Variants in MAGEB2 observed in about 807,000 individuals in gnomAD.
MAGEB2 encodes the protein MAGE family member B2.
For synonymous variants in MAGEB2, 107 were observed against 96.2 expected, an observed-to-expected ratio of 1.11 and a Z score of -0.66; for missense variants, 365 against 243.2, an observed-to-expected ratio of 1.50 and a Z score of -3.33.
Position 30,219,491 on chromosome X carries a change from C to G in MAGEB2, c.911C>G (p.Pro304Arg), listed in dbSNP as rs776050887. 55 of 1,206,747 alleles carry G rather than the reference C, an allele frequency of 4.6e-5. No individual in the cohort carries two copies. In the South Asian group the frequency reaches 9.4e-4, roughly 21 times the overall value. The change falls in exon 2 of 2, where the codon CCA (proline) becomes CGA (arginine). Residue 304 changes from proline (P) to arginine (R), a missense_variant. By Grantham distance (103) the Pro-to-Arg change is moderately radical. Transcript: ENST00000378988. ...KVNGTTPCAF[P>R]THYEEALKDE... The stretch of plus-strand genomic sequence containing the variant: ...AATGGTACCACCCCCTGTGCCTTCC[C>G]AACCCATTACGAAGAAGCTTTGAAA...
At position 30,219,589 on chromosome X, in the gene MAGEB2, C is replaced by T; in HGVS notation, c.*49C>T. On this transcript the variant is annotated 3_prime_UTR_variant, in exon 2 of 2. Transcript: ENST00000378988. ...CACTACTGCCATAGCCAATCAATCT[C>T]CCAAAGCCAAGTTTACCTGCTGTTC... 9.1e-7 allele frequency: 1 copy of T among 1,099,245 alleles called. No individual in the cohort carries two copies. The highest frequency in any genetic ancestry group is 1.2e-6 in the Non-Finnish European group (1 of 821,302). 90.6% of individuals were successfully genotyped at this position (1,099,245 alleles called of 1,213,427 possible).
chrX:30,219,258 C>T lies in MAGEB2; in HGVS notation c.678C>T (p.Phe226=). 1.7e-6 allele frequency: 2 copies of T among 1,211,384 alleles called. No homozygotes were observed. Among genetic ancestry groups the T allele is most frequent in the Admixed American group, 2.2e-5 (1 of 46,008 alleles). ...CTACTGAGGAAGAGATCTGGGAATT[C>T]CTGAATATGTTGGGAGTCTATGATG... ...NSATEEEIWE[F]LNMLGVYDGE... is the part of the protein sequence containing the mutation. Residue 226 remains phenylalanine (F), a synonymous_variant, in exon 2 of 2, where the codon TTC becomes TTT. Coordinates refer to ENST00000378988, the MANE Select transcript of MAGEB2 (RefSeq NM_002364.5).
At chrX:30,216,721 A>T (rs1008013207) in intron 1 of MAGEB2, among the ~76,000 whole-genome samples, 12 of 81,478 alleles carry the variant, frequency 1.5e-4, no homozygotes, top group Admixed American at 1.2e-3. Context: ...TCTACTAAAA[A>T]TACCAAAAAA....
Position 30,219,412 on chromosome X carries a change from A to G in MAGEB2, c.832A>G (p.Arg278Gly), listed in dbSNP as rs1376264396. The change falls in exon 2 of 2, where the codon AGA becomes GGA. Residue 278 changes from arginine to glycine, a missense_variant. Transcript: ENST00000378988. ...PPRFQFLWGP[R>G]AYAETSKMKV... The stretch of plus-strand genomic sequence containing the variant: ...ACGCTTTCAATTCCTGTGGGGTCCG[A>G]GAGCCTATGCTGAAACCAGCAAGAT... The G allele has an allele frequency of 8.3e-7, 1 of 1,211,932 alleles. No homozygotes were observed. The highest frequency in any genetic ancestry group is 1.1e-6 in the Non-Finnish European group (1 of 895,367).
rs59753945 is a variant in MAGEB2 at position 30,216,886 on chromosome X, T to TA, written c.-6+1249dup. On this transcript the variant is annotated intron_variant, in intron 1 of 1. Coordinates refer to ENST00000378988, the MANE Select transcript of MAGEB2 (RefSeq NM_002364.5). Reference sequence around the variant, plus strand: ...GGCGAAAGGGCGAGACTCCGTCTCTTAAAAAAAAAAAAAAAAAAGGCAGCT... The same window carrying TA: ...GGCGAAAGGGCGAGACTCCGTCTCTTAAAAAAAAAAAAAAAAAAAGGCAGCT... Among the ~76,000 whole-genome samples the TA allele has an allele frequency of 1.4e-3, 124 of 87,469 alleles. 1 individual carries two copies. The highest frequency in any genetic ancestry group is 7.6e-3 in the South Asian group (13 of 1,720). The allele number at this position is 87,469 out of a possible 115,157, so 76.0% of individuals were successfully genotyped here. A position where few individuals can be genotyped will look rare whatever the true frequency, so the allele number is the denominator to read the frequency against.
Position 30,218,702 on chromosome X carries a change from G to C in MAGEB2, c.122G>C (p.Cys41Ser), listed in dbSNP as rs74852235. ...GCAGAGGAAGAAGAGGCCCCCTGCT[G>C]TTCCTCTTCTGTTTCTGGGGGTGCT... ...TEAEEEEAPC[C>S]SSSVSGGAAS... is the part of the protein sequence containing the mutation. Residue 41 changes from cysteine to serine, a missense_variant, in exon 2 of 2, where the codon TGT (cysteine) becomes TCT (serine). Cys to Ser is a moderately radical substitution (Grantham distance 112). Coordinates refer to ENST00000378988, the MANE Select transcript of MAGEB2 (RefSeq NM_002364.5). 4.1e-6 allele frequency: 5 copies of C among 1,204,859 alleles called. No homozygotes were observed. Among genetic ancestry groups the C allele is most frequent in the Non-Finnish European group, 5.6e-6 (5 of 891,455 alleles).
Sources: gnomAD v4.1 joint callset for allele counts (sites outside exome capture counted in the v4.1 genomes callset) on GRCh38, gnomAD v4.1.1 for gene constraint, MANE v1.5 for transcripts, NCBI Gene and HGNC (gene_info 2026-07-23, HGNC 2026-07-21) for gene names.